DOCK11: variants seen among roughly 807,000 people sequenced by gnomAD.
The protein encoded by DOCK11 is dedicator of cytokinesis protein 11.
In DOCK11, 70 loss-of-function variants were observed where a neutral mutation model predicts 169.1. The observed-to-expected ratio is 0.41, with a 90% confidence interval of 0.34 to 0.51. DOCK11 has a LOEUF of 0.51. Among genes scored for constraint, DOCK11 ranks in the 20% least tolerant of loss-of-function variants. The pLI is 0.10. For synonymous variants in DOCK11, 529 were observed against 541.3 expected, an observed-to-expected ratio of 0.98 and a Z score of 0.32; for missense variants, 1,166 against 1,538.8, an observed-to-expected ratio of 0.76 and a Z score of 4.05.
At chrX:118,546,207 T>C (rs1603049999) in intron 6 of DOCK11, 91 bp downstream of exon 6, 1 of 29,807 alleles carries the variant, frequency 3.4e-5, no homozygotes, top group South Asian at 1.2e-3. Flanking sequence ...CAAAGAGCCC[T>C]AGCAAAAAAA....
At chrX:118,656,999 A>G (rs1027706125) in intron 44 of DOCK11, among the ~76,000 whole-genome samples, 1 of 112,232 alleles carries the variant, frequency 8.9e-6, no homozygotes, top group Non-Finnish European at 1.9e-5. Flanking sequence ...TGTACTTTTT[A>G]GACTTTGAAA....
rs149439879 is a variant in DOCK11 at position 118,513,525 on chromosome X, G to A, written c.102+17452G>A. On this transcript the variant is annotated intron_variant, in intron 1 of 52. Transcript: ENST00000276202. ...AGCTACTCGGGAGGCTGAAGCAGGA[G>A]GATCACTTGAACCCACTTCAAGGCC... Among the ~76,000 whole-genome samples the A allele has an allele frequency of 6.1e-3, 679 of 112,182 alleles. 5 individuals carry two copies. Among genetic ancestry groups the A allele is most frequent in the African/African-American group, 0.015 (453 of 30,927 alleles).
Position 118,516,004 on chromosome X carries a change from A to ACTATATATATATATATATAT in DOCK11, c.102+19931_102+19932insCTATATATATATATATATAT, listed in dbSNP as rs1436837389. Reference sequence around the variant, plus strand: ...ATGTTCAAAAGTAAGGATTTGGGCAAATATATATATATATACATTCTTACA... The same window carrying ACTATATATATATATATATAT: ...ATGTTCAAAAGTAAGGATTTGGGCAACTATATATATATATATATATATATATATATATATACATTCTTACA... On this transcript the variant is annotated intron_variant, in intron 1 of 52. Transcript: ENST00000276202. Among the ~76,000 whole-genome samples, 394 of 44,898 alleles carry ACTATATATATATATATATAT rather than the reference A, an allele frequency of 8.8e-3. 68 individuals carry two copies. Among genetic ancestry groups the ACTATATATATATATATATAT allele is most frequent in the African/African-American group, 0.037 (311 of 8,511 alleles). The allele number at this position is 44,898 out of a possible 115,157, so 39.0% of individuals were successfully genotyped here.
chrX:118,549,106 C>CTGTGTGTGTGTGTGTATGTG (rs755842631), intron 6 of DOCK11, among the ~76,000 whole-genome samples: 10 of 99,114 alleles, frequency 1.0e-4, no homozygotes, highest in African/African-American at 3.9e-4. Flanking sequence ...TGCTCATATT[C>CTGTGTGTGTGTGTGTATGTG]TGTGTGTGTG....
intron 14 of DOCK11, among the ~76,000 whole-genome samples, 200 bp downstream of exon 14, chrX:118,580,379 C>T (rs1172634261): frequency 4.5e-5 from 5 of 111,679 alleles, no homozygotes; most frequent in East Asian, 2.8e-4. Flanking sequence ...TGCAGTGGCG[C>T]GATCTCGGCT....
chrX:118,542,731 G>T lies in DOCK11; in HGVS notation c.109G>T (p.Ala37Ser), dbSNP rs753374996. 1.6e-5 allele frequency: 19 copies of T among 1,200,937 alleles called. No individual in the cohort carries two copies. In the South Asian group the frequency reaches 2.5e-4, roughly 16 times the overall value. ...ACTTTTGTCTCTTATAAAGGAAAAG[G>T]CCAAAGTTGTTGAGCCCCTGGACTA... ...AVRGSVVLEK[A>S]KVVEPLDYEN... The change falls in exon 2 of 53, where the codon GCC becomes TCC. Residue 37 changes from alanine (A) to serine (S), a missense_variant. Coordinates refer to ENST00000276202, the MANE Select transcript of DOCK11 (RefSeq NM_144658.4).
intron 30 of DOCK11, among the ~76,000 whole-genome samples, chrX:118,617,731 G>T (rs990034496): frequency 1.8e-5 from 2 of 108,760 alleles, no homozygotes; most frequent in Non-Finnish European, 3.8e-5. Context: ...AATACAAAAA[G>T]AATTAGTTGG....
chrX:118,575,903 A>C (rs906251081), intron 12 of DOCK11, among the ~76,000 whole-genome samples: 1 of 112,220 alleles, frequency 8.9e-6, no homozygotes. Context: ...TCCAGTTTGT[A>C]ATTTGGAACA....
intron 1 of DOCK11, 93 bp from the exon 2 acceptor site, chrX:118,542,632 T>C: frequency 6.2e-6 from 4 of 643,346 alleles, no homozygotes; most frequent in Non-Finnish European, 7.5e-6. Context: ...CAGTAATCCC[T>C]TCCTTTGAGA....
At chrX:118,647,323 G>T (rs2015703816) in intron 40 of DOCK11, among the ~76,000 whole-genome samples, 1 of 102,019 alleles carries the variant, frequency 9.8e-6, no homozygotes, top group East Asian at 3.0e-4. Flanking sequence ...AATGAAAATT[G>T]ACCTTCCCAT....
chrX:118,618,834 G>A, intron 31 of DOCK11, 106 bp downstream of exon 31: 4 of 646,926 alleles, frequency 6.2e-6, no homozygotes, highest in Non-Finnish European at 8.7e-6. Context: ...AAGCATTGAG[G>A]AAAATTTATT....
At chrX:118,564,534 G>A (rs753231355) in intron 7 of DOCK11, among the ~76,000 whole-genome samples, 6 of 111,961 alleles carry the variant, frequency 5.4e-5, no homozygotes, top group African/African-American at 1.9e-4. Flanking sequence ...TTGTGTGGTG[G>A]TATTCAGCAC....
At chrX:118,586,950 G>A (rs1236223805) in intron 16 of DOCK11, among the ~76,000 whole-genome samples, 2 of 112,344 alleles carry the variant, frequency 1.8e-5, no homozygotes, top group East Asian at 5.6e-4. Context: ...ATAAAGAATA[G>A]TAAATGGAGG....
In DOCK11 at chrX:118,648,909, T is replaced by C. The variant is rs377519408; in HGVS notation, c.4399-36T>C. The C allele has an allele frequency of 1.5e-4, 168 of 1,120,256 alleles. 1 individual carries two copies. The highest frequency in any genetic ancestry group is 2.0e-4 in the Non-Finnish European group (165 of 841,921). 92.3% of individuals were successfully genotyped at this position (1,120,256 alleles called of 1,213,427 possible). A position where few individuals can be genotyped will look rare whatever the true frequency, so the allele number is the denominator to read the frequency against. On this transcript the variant is annotated intron_variant, in intron 40 of 52. Transcript: ENST00000276202. ...ATATTCTATTGATTTTATGATTGGA[T>C]TTTAAATACTTATTTCTGTTTTCCC...
At chrX:118,600,515 C>G (rs1479391436) in intron 23 of DOCK11, among the ~76,000 whole-genome samples, 1 of 110,860 alleles carries the variant, frequency 9.0e-6, no homozygotes, top group Non-Finnish European at 1.9e-5. Flanking sequence ...AGGCATCATT[C>G]TAAGCATTGG....
chrX:118,606,991 G>A (rs1482210990), intron 24 of DOCK11, among the ~76,000 whole-genome samples: 8 of 109,038 alleles, frequency 7.3e-5, no homozygotes, highest in Admixed American at 9.8e-5. Flanking sequence ...CCTTTTCCCC[G>A]TTGACATGCT....
intron 4 of DOCK11, among the ~76,000 whole-genome samples, chrX:118,544,156 A>G (rs139524999): frequency 0.013 from 1,424 of 112,199 alleles, 26 homozygotes; most frequent in African/African-American, 0.044. Flanking sequence ...ATAGCTGATG[A>G]TGGATAATGT....
chrX:118,680,359 A>C, intron 48 of DOCK11, 123 bp from the exon 49 acceptor site: 3 of 329,006 alleles, frequency 9.1e-6, no homozygotes, highest in Non-Finnish European at 1.5e-5. Flanking sequence ...ACACAATTAT[A>C]ATGGCAATGT....
At chrX:118,650,294 C>G (rs2060081334) in intron 41 of DOCK11, among the ~76,000 whole-genome samples, 3 of 112,090 alleles carry the variant, frequency 2.7e-5, no homozygotes, top group Admixed American at 9.5e-5. Flanking sequence ...ATAGATACTT[C>G]CTACATGATA....
Sources: gnomAD v4.1 joint callset for allele counts (sites outside exome capture counted in the v4.1 genomes callset) on GRCh38, gnomAD v4.1.1 for gene constraint, MANE v1.5 for transcripts, NCBI Gene and HGNC (gene_info 2026-07-23, HGNC 2026-07-21) for gene names.